Variants in TGFBR3 observed in about 807,000 individuals in gnomAD.
TGFBR3 encodes transforming growth factor beta receptor 3.
Under a neutral mutation model 87.9 loss-of-function variants are expected in TGFBR3, and 46 were observed. The observed-to-expected ratio is 0.52, with a 90% CI of 0.41 to 0.67. TGFBR3 has a LOEUF of 0.67. Among genes scored for constraint, TGFBR3 ranks in the 30% least tolerant of loss-of-function variants. The pLI is 0.00. For missense variants in TGFBR3, 866 were observed against 1,041.9 expected (o/e 0.83, Z 2.32); for synonymous variants, 381 against 391.6 (o/e 0.97, Z 0.32).
intron 6 of TGFBR3, 109 bp downstream of exon 6, chr1:91,729,696 C>T: frequency 2.3e-6 from 3 of 1,307,684 alleles, no homozygotes; most frequent in Non-Finnish European, 3.3e-6. Flanking sequence ...GGCTCCCTTC[C>T]CTCCTGCGTA....
chr1:91,869,419 C>G (rs1331420355), intron 1 of TGFBR3, among the ~76,000 whole-genome samples: 1 of 152,194 alleles, frequency 6.6e-6, no homozygotes, highest in Non-Finnish European at 1.5e-5. Context: ...AATCACAGCA[C>G]TTTGGTAGGC....
chr1:91,821,261 C>T (rs1676440403), intron 2 of TGFBR3, among the ~76,000 whole-genome samples: 1 of 133,730 alleles, frequency 7.5e-6, no homozygotes, highest in African/African-American at 2.9e-5. Flanking sequence ...ACCTGGGAGA[C>T]AGAAGTTGGA....
intron 2 of TGFBR3, among the ~76,000 whole-genome samples, chr1:91,836,472 G>A (rs1677072566): frequency 6.6e-6 from 1 of 152,076 alleles, no homozygotes. Flanking sequence ...GCTACTCAGT[G>A]GCAGCCGTGG....
At chr1:91,694,176 A>G (rs1299018406) in intron 16 of TGFBR3, among the ~76,000 whole-genome samples, 2 of 152,178 alleles carry the variant, frequency 1.3e-5, no homozygotes, top group Non-Finnish European at 2.9e-5. Context: ...GTTTTTTTGT[A>G]GAGACATGGT....
At position 91,745,671 on chromosome 1, in the gene TGFBR3, A is replaced by G. The variant is rs950793938; in HGVS notation, c.385-10712T>C. Among the ~76,000 whole-genome samples, 6 of 152,194 alleles carry G rather than the reference A, an allele frequency of 3.9e-5. No individual in the cohort carries two copies. In the East Asian group the frequency reaches 7.7e-4, roughly 19 times the overall value. ...GAAAATCACACGTTCTCCCTACCCA[A>G]TTCCTGGGAGGACCCCACTTGCCTA... On this transcript the variant is annotated intron_variant, in intron 4 of 16. Coordinates refer to ENST00000212355, the MANE Select transcript of TGFBR3 (RefSeq NM_003243.5).
At chr1:91,837,154 A>C (rs1206889175) in intron 2 of TGFBR3, among the ~76,000 whole-genome samples, 2 of 152,166 alleles carry the variant, frequency 1.3e-5, no homozygotes, top group Non-Finnish European at 2.9e-5. Flanking sequence ...ATACAGACCT[A>C]ATAATTTTTT....
At chr1:91,846,929 A>G (rs1677523751) in intron 2 of TGFBR3, among the ~76,000 whole-genome samples, 1 of 152,098 alleles carries the variant, frequency 6.6e-6, no homozygotes, top group Admixed American at 6.5e-5. Flanking sequence ...AAAAGCTAGC[A>G]GGGGGGCAAA....
chr1:91,883,303 C>A (rs978279823), intron 1 of TGFBR3, among the ~76,000 whole-genome samples: 1 of 152,076 alleles, frequency 6.6e-6, no homozygotes, highest in African/African-American at 2.4e-5. Flanking sequence ...CTGTGCCTGG[C>A]CTACACACCA....
rs1674238510 is a variant in TGFBR3, at chr1:91,767,980, A to G, written c.247-9230T>C. Reference sequence around the variant, plus strand: ...GTAATCCCAGCACTTTGGGAGGCCAAGGCAGGAGGATCACCTGAGGTCGGG... The same window carrying G: ...GTAATCCCAGCACTTTGGGAGGCCAGGGCAGGAGGATCACCTGAGGTCGGG... On this transcript the variant is annotated intron_variant, in intron 3 of 16. Transcript: ENST00000212355. Among the ~76,000 whole-genome samples the G allele has an allele frequency of 1.3e-5, 2 of 152,100 alleles. 1 individual carries two copies. The highest frequency in any genetic ancestry group is 4.1e-4 in the South Asian group (2 of 4,820).
chr1:91,695,591 T>A, intron 16 of TGFBR3, 81 bp downstream of exon 16: 2 of 1,121,932 alleles, frequency 1.8e-6, no homozygotes, highest in Middle Eastern at 1.9e-4. Flanking sequence ...ATTCGTTATT[T>A]CATCCAACAA....
At chr1:91,694,824 C>T (rs573585125) in intron 16 of TGFBR3, among the ~76,000 whole-genome samples, 16 of 152,150 alleles carry the variant, frequency 1.1e-4, no homozygotes, top group Admixed American at 9.8e-4. Context: ...CAAACAAGAA[C>T]AAGACCGATT....
intron 10 of TGFBR3, among the ~76,000 whole-genome samples, chr1:91,717,447 C>T (rs933615940): frequency 6.6e-5 from 10 of 151,996 alleles, no homozygotes; most frequent in African/African-American, 1.9e-4. Flanking sequence ...GATATATTCC[C>T]GGAATCTATC....
At chr1:91,845,422 T>A (rs186039922) in intron 2 of TGFBR3, among the ~76,000 whole-genome samples, 2 of 152,198 alleles carry the variant, frequency 1.3e-5, no homozygotes, top group Admixed American at 1.3e-4. Flanking sequence ...TAACACTCAA[T>A]TGGCTTTTAG....
At chr1:91,702,781 AGG>A (rs1671667266) in intron 14 of TGFBR3, among the ~76,000 whole-genome samples, 1 of 152,222 alleles carries the variant, frequency 6.6e-6, no homozygotes, top group Non-Finnish European at 1.5e-5. Flanking sequence ...GCGGTGGCTC[AGG>A]CCTGTAATCC....
intron 2 of TGFBR3, among the ~76,000 whole-genome samples, chr1:91,847,301 G>C (rs922493251): frequency 3.9e-5 from 6 of 152,086 alleles, no homozygotes; most frequent in African/African-American, 1.4e-4. Flanking sequence ...AGACTGGAGT[G>C]TGATTATAAG....
intron 12 of TGFBR3, among the ~76,000 whole-genome samples, chr1:91,714,636 A>T (rs1270995621): frequency 6.6e-6 from 1 of 152,240 alleles, no homozygotes; most frequent in East Asian, 1.9e-4. Context: ...GGTAAGGTAC[A>T]GGAGGAAGAT....
At chr1:91,883,656 T>C (rs1313498283) in intron 1 of TGFBR3, among the ~76,000 whole-genome samples, 1 of 152,106 alleles carries the variant, frequency 6.6e-6, no homozygotes. Flanking sequence ...AAAACTATGT[T>C]GGTGATTTTT....
chr1:91,816,762 A>G (rs1391790513), intron 2 of TGFBR3, among the ~76,000 whole-genome samples: 1 of 152,240 alleles, frequency 6.6e-6, no homozygotes, highest in Non-Finnish European at 1.5e-5. Flanking sequence ...CAAAAGCAAA[A>G]TGAAGCATTA....
chr1:91,701,989 G>A (rs1671634768), intron 14 of TGFBR3, among the ~76,000 whole-genome samples: 1 of 152,124 alleles, frequency 6.6e-6, no homozygotes, highest in Non-Finnish European at 1.5e-5. Context: ...CTCACGTGGT[G>A]GGTGATTTTT....
Sources: allele counts gnomAD v4.1 joint callset (sites outside exome capture counted in the v4.1 genomes callset), GRCh38; gene constraint gnomAD v4.1.1; transcripts MANE v1.5; gene names NCBI Gene and HGNC (gene_info 2026-07-23, HGNC 2026-07-21).